The following TBC1D22B variants were observed in gnomAD, a reference collection of about 807,000 sequenced individuals.
TBC1D22B encodes the protein chromosome 6 open reading frame 197.
A neutral mutation model predicts 69.1 loss-of-function variants in TBC1D22B; 32 were observed. That is an observed-to-expected ratio of 0.46 (90% CI 0.35 to 0.62). TBC1D22B has a LOEUF of 0.62. Ranked by LOEUF, TBC1D22B falls within the 20% of genes least tolerant of loss-of-function variation. TBC1D22B has a pLI of 0.00. For missense variants in TBC1D22B, 462 were observed against 630.9 expected, an observed-to-expected ratio of 0.73 and a Z score of 2.87; for synonymous variants, 206 against 229.8, an observed-to-expected ratio of 0.90 and a Z score of 0.94.
intron 8 of TBC1D22B, 112 bp downstream of exon 8, chr6:37,291,469 A>G: frequency 2.7e-6 from 2 of 753,086 alleles, no homozygotes; most frequent in Non-Finnish European, 4.2e-6. Context: ...TAGAAAATAG[A>G]GAGTGCCTTT....
At chr6:37,263,387 G>T (rs1042647957) in intron 1 of TBC1D22B, among the ~76,000 whole-genome samples, 1 of 152,210 alleles carries the variant, frequency 6.6e-6, no homozygotes, top group Admixed American at 6.5e-5. Flanking sequence ...TGTGCAATGT[G>T]CAGTCTTTTA....
chr6:37,283,043 A>G (rs1035602353), intron 5 of TBC1D22B, 91 bp downstream of exon 5: 4 of 1,067,454 alleles, frequency 3.7e-6, no homozygotes, highest in African/African-American at 3.1e-5. Context: ...TCTTAACTCC[A>G]TAGACTTCTC....
intron 2 of TBC1D22B, among the ~76,000 whole-genome samples, chr6:37,278,922 C>CT (rs1232449228): frequency 6.7e-6 from 1 of 149,138 alleles, no homozygotes; most frequent in Non-Finnish European, 1.5e-5. Flanking sequence ...GACAGAAACT[C>CT]TGTCTCAAAA....
At chr6:37,317,530 G>A (rs145688876) in intron 12 of TBC1D22B, among the ~76,000 whole-genome samples, 1 of 152,314 alleles carries the variant, frequency 6.6e-6, no homozygotes, top group Non-Finnish European at 1.5e-5. Context: ...GCTATATTAA[G>A]AAGTGAAACA....
chr6:37,320,187 A>T (rs915700872), intron 12 of TBC1D22B, among the ~76,000 whole-genome samples: 1 of 152,190 alleles, frequency 6.6e-6, no homozygotes, highest in Non-Finnish European at 1.5e-5. Context: ...TTCAGAGAGG[A>T]AGCAGATATC....
At chr6:37,289,514 G>C (rs1338004978) in intron 7 of TBC1D22B, among the ~76,000 whole-genome samples, 1 of 152,208 alleles carries the variant, frequency 6.6e-6, no homozygotes, top group Non-Finnish European at 1.5e-5. Context: ...CCTGACTAGA[G>C]AGGATGATCA....
At chr6:37,315,655 C>T (rs1420197339) in intron 10 of TBC1D22B, among the ~76,000 whole-genome samples, 1 of 152,166 alleles carries the variant, frequency 6.6e-6, no homozygotes, top group Non-Finnish European at 1.5e-5. Context: ...TGGCTCACTA[C>T]AGCCTTGACC....
intron 8 of TBC1D22B, 67 bp from the exon 9 acceptor site, chr6:37,312,851 C>G (rs552235063): frequency 2.9e-6 from 4 of 1,367,844 alleles, no homozygotes; most frequent in Non-Finnish European, 4.2e-6. Context: ...TGAAGACACT[C>G]GAATCTATCT....
chr6:37,286,085 G>A (rs1766997806), intron 6 of TBC1D22B, among the ~76,000 whole-genome samples: 1 of 152,074 alleles, frequency 6.6e-6, no homozygotes, highest in Non-Finnish European at 1.5e-5. Flanking sequence ...CTACATACAT[G>A]CCAGCCCAGA....
At chr6:37,292,259 A>G (rs943897268) in intron 8 of TBC1D22B, among the ~76,000 whole-genome samples, 12 of 152,052 alleles carry the variant, frequency 7.9e-5, no homozygotes, top group Admixed American at 3.3e-4. Flanking sequence ...TTTTTGGAGG[A>G]AGCCATTTGG....
At chr6:37,286,179 G>C (rs141049860) in intron 6 of TBC1D22B, among the ~76,000 whole-genome samples, 1 of 152,276 alleles carries the variant, frequency 6.6e-6, no homozygotes, top group East Asian at 1.9e-4. Flanking sequence ...TCTTTTGGGA[G>C]GTTTCCTCAC....
intron 9 of TBC1D22B, among the ~76,000 whole-genome samples, chr6:37,313,437 C>A (rs1767983604): frequency 6.6e-6 from 1 of 151,810 alleles, no homozygotes; most frequent in Admixed American, 6.6e-5. Flanking sequence ...CTGTAGTGAG[C>A]CATGATCACA....
At chr6:37,285,315 C>CTTT (rs756459599) in intron 6 of TBC1D22B, among the ~76,000 whole-genome samples, 52,977 of 73,424 alleles carry the variant, frequency 0.72, 23,359 homozygotes, top group South Asian at 0.75. Flanking sequence ...TCCTTCCCCA[C>CTTT]TTTTTTTTTT....
intron 10 of TBC1D22B, among the ~76,000 whole-genome samples, chr6:37,315,162 C>T (rs1008881500): frequency 8.5e-5 from 13 of 152,146 alleles, no homozygotes; most frequent in East Asian, 1.9e-4. Context: ...TTATTTTTTC[C>T]GCCCTTACAA....
chr6:37,295,492 C>T (rs1767336040), intron 8 of TBC1D22B: 2 of 280,646 alleles, frequency 7.1e-6, no homozygotes, highest in Non-Finnish European at 7.4e-6. Flanking sequence ...TTGTCAAGTG[C>T]AAGGTCAGCC....
chr6:37,314,335 C>T (rs1768012567), intron 10 of TBC1D22B, among the ~76,000 whole-genome samples: 1 of 152,202 alleles, frequency 6.6e-6, no homozygotes, highest in Admixed American at 6.5e-5. Flanking sequence ...CCTTCAGCAT[C>T]CAGCCTGTCG....
At chr6:37,309,022 T>G (rs771410226) in intron 8 of TBC1D22B, among the ~76,000 whole-genome samples, 2 of 152,202 alleles carry the variant, frequency 1.3e-5, no homozygotes, top group Non-Finnish European at 2.9e-5. Context: ...ACAATAATAA[T>G]TATGCCAGCT....
At position 37,287,030 on chromosome 6, in the gene TBC1D22B, G is replaced by T; in HGVS notation, c.825G>T (p.Thr275=). The change falls in exon 7 of 13, where the codon ACG becomes ACT. Residue 275 remains threonine, a synonymous_variant. Transcript: ENST00000373491. The stretch of plus-strand genomic sequence containing the variant: ...AGATTCACATTGACATTCCAAGGAC[G>T]AATCCTCTCATTCCGTTGTTCCAGC... ...YRQIHIDIPR[T]NPLIPLFQQP... is the part of the protein sequence containing the mutation. 6.2e-7 allele frequency: 1 copy of T among 1,603,406 alleles called. No homozygotes were observed. The highest frequency in any genetic ancestry group is 1.3e-5 in the African/African-American group (1 of 74,094).
chr6:37,262,463 A>T (rs1766139011), intron 1 of TBC1D22B, among the ~76,000 whole-genome samples: 1 of 152,248 alleles, frequency 6.6e-6, no homozygotes, highest in African/African-American at 2.4e-5. Flanking sequence ...GATTACAGGC[A>T]TGAGCCTCTG....
Sources: allele counts gnomAD v4.1 joint callset (sites outside exome capture counted in the v4.1 genomes callset), GRCh38; gene constraint gnomAD v4.1.1; transcripts MANE v1.5; gene names NCBI Gene and HGNC (gene_info 2026-07-23, HGNC 2026-07-21).